Variants in ADGRV1 observed in about 807,000 individuals in gnomAD.
The protein encoded by ADGRV1 is G-protein coupled receptor 98.
ADGRV1 carries 359 observed loss-of-function variants against 596.2 expected under a neutral mutation model. The observed-to-expected ratio is 0.60, with a 90% CI of 0.55 to 0.66. The LOEUF (loss-of-function observed/expected upper bound fraction) is 0.66. Among genes scored for constraint, ADGRV1 ranks in the 30% least tolerant of loss-of-function variants. The pLI is 0.00. For missense variants in ADGRV1, 7,274 were observed against 7,575.6 expected (o/e 0.96, Z 1.48); for synonymous variants, 2,681 against 2,679.2 (o/e 1.00, Z -0.02).
At chr5:90,584,133 G>A (rs1445540181) in intron 1 of ADGRV1, among the ~76,000 whole-genome samples, 1 of 152,128 alleles carries the variant, frequency 6.6e-6, no homozygotes, top group Non-Finnish European at 1.5e-5. Flanking sequence ...TATTTTAGAT[G>A]GTTATTGGGA....
chr5:90,593,374 T>G (rs1387549198), intron 1 of ADGRV1, among the ~76,000 whole-genome samples: 1 of 151,756 alleles, frequency 6.6e-6, no homozygotes, highest in Non-Finnish European at 1.5e-5. Context: ...CACCACATGT[T>G]CTCACTCATA....
intron 1 of ADGRV1, among the ~76,000 whole-genome samples, chr5:90,576,960 GTTGT>G (rs946642661): frequency 3.9e-5 from 6 of 152,140 alleles, no homozygotes; most frequent in Non-Finnish European, 5.9e-5. Flanking sequence ...TTTTGATGGG[GTTGT>G]TTGTTTTTTT....
At chr5:90,917,113 A>G (rs747565466) in intron 83 of ADGRV1, among the ~76,000 whole-genome samples, 46 of 152,164 alleles carry the variant, frequency 3.0e-4, no homozygotes, top group Non-Finnish European at 5.6e-4. Flanking sequence ...TAGTTGCCAC[A>G]TTGCTTTCAT....
chr5:90,816,039 T>C (rs1443262113), intron 75 of ADGRV1, among the ~76,000 whole-genome samples: 3 of 152,232 alleles, frequency 2.0e-5, no homozygotes, highest in Admixed American at 6.5e-5. Flanking sequence ...TTTCCTGTGA[T>C]GAAAACTTGG....
At chr5:91,013,863 A>G (rs1782929317) in intron 85 of ADGRV1, among the ~76,000 whole-genome samples, 1 of 151,930 alleles carries the variant, frequency 6.6e-6, no homozygotes, top group South Asian at 2.1e-4. Flanking sequence ...TTTTTAATTC[A>G]TCTTGAATTG....
At chr5:90,930,321 A>G (rs1775116707) in intron 83 of ADGRV1, among the ~76,000 whole-genome samples, 1 of 152,182 alleles carries the variant, frequency 6.6e-6, no homozygotes, top group African/African-American at 2.4e-5. Context: ...CCTTCCGGCA[A>G]ACTCCAAATA....
In ADGRV1 at chr5:90,669,391, C is replaced by A. The variant is rs561001384; in HGVS notation, c.4753-3155C>A. Among the ~76,000 whole-genome samples the A allele has an allele frequency of 9.2e-5, 14 of 152,104 alleles. No homozygotes were observed. The East Asian group carries it at 2.7e-3, about 29-fold the overall frequency. On this transcript the variant is annotated intron_variant, in intron 21 of 89. Coordinates refer to ENST00000405460, the MANE Select transcript of ADGRV1 (RefSeq NM_032119.4). ...GATTCTTAAAAATCATCACACTATG[C>A]CAGATGCATAATGAGAAACACAGAA...
intron 71 of ADGRV1, among the ~76,000 whole-genome samples, chr5:90,804,435 C>T (rs1414502720): frequency 6.6e-6 from 1 of 151,936 alleles, no homozygotes; most frequent in Non-Finnish European, 1.5e-5. Flanking sequence ...AGAAGCCTCA[C>T]TGTAACAGAG....
intron 87 of ADGRV1, among the ~76,000 whole-genome samples, chr5:91,149,415 C>G (rs1276576023): frequency 6.6e-6 from 1 of 152,186 alleles, no homozygotes; most frequent in African/African-American, 2.4e-5. Flanking sequence ...CATTTCCCCT[C>G]CTTGCACTCA....
At chr5:90,707,931 T>C (rs1445124189) in intron 38 of ADGRV1, among the ~76,000 whole-genome samples, 1 of 151,758 alleles carries the variant, frequency 6.6e-6, no homozygotes, top group Non-Finnish European at 1.5e-5. Context: ...ACATTAAGAG[T>C]AGGCACAGCA....
chr5:90,810,959 G>C lies in ADGRV1; in HGVS notation c.15699G>C (p.Met5233Ile), dbSNP rs1413378465. The change falls in exon 74 of 90, where the codon ATG (methionine) becomes ATC (isoleucine). Residue 5233 changes from methionine to isoleucine, a missense_variant. This residue lies in a region of ADGRV1 where 1,874 missense variants were observed against 1,970.2 expected (regional missense o/e 0.95). Coordinates refer to ENST00000405460, the MANE Select transcript of ADGRV1 (RefSeq NM_032119.4). ...GPSIVYIEEE[M>I]KNGTFNTAEV... ...CCATTGTTTATATTGAAGAGGAGATGAAGAATGGCACATTCAACACTGCAG... is the reference window on the plus strand; with the variant it reads ...CCATTGTTTATATTGAAGAGGAGATCAAGAATGGCACATTCAACACTGCAG... The C allele has an allele frequency of 6.2e-7, 1 of 1,614,014 alleles. No individual in the cohort carries two copies. The highest frequency in any genetic ancestry group is 8.5e-7 in the Non-Finnish European group (1 of 1,179,896).
Position 90,629,057 on chromosome 5 carries a change from G to T in ADGRV1, c.1510-153G>T, listed in dbSNP as rs527551402. ...TAGGAATATTTCCAAATCTGTTTTTGGTTCATCTTTTGCTCTATTATGTAT... is the reference window on the plus strand; with the variant it reads ...TAGGAATATTTCCAAATCTGTTTTTTGTTCATCTTTTGCTCTATTATGTAT... On this transcript the variant is annotated intron_variant, in intron 8 of 89. Transcript: ENST00000405460. 640 of 639,492 alleles carry T rather than the reference G, an allele frequency of 1.0e-3. 4 individuals are homozygous for T. Among genetic ancestry groups the T allele is most frequent in the Non-Finnish European group, 2.0e-4 (82 of 411,062 alleles). The allele number at this position is 639,492 out of a possible 1,614,324, so 39.6% of individuals were successfully genotyped here. A position where few individuals can be genotyped will look rare whatever the true frequency, so the allele number is the denominator to read the frequency against.
intron 83 of ADGRV1, among the ~76,000 whole-genome samples, chr5:90,894,067 T>C (rs1771077215): frequency 6.6e-6 from 1 of 152,206 alleles, no homozygotes; most frequent in African/African-American, 2.4e-5. Context: ...TTAATGGATG[T>C]TCTCATATAT....
At chr5:91,138,971 A>G (rs1291407778) in intron 87 of ADGRV1, among the ~76,000 whole-genome samples, 1 of 152,112 alleles carries the variant, frequency 6.6e-6, no homozygotes, top group Non-Finnish European at 1.5e-5. Flanking sequence ...GGGTTTCACC[A>G]TGTTGGCCAG....
rs1216068741 is a variant in ADGRV1 at position 90,763,439 on chromosome 5, T to G, written c.12255T>G (p.Ser4085Arg). ...ATGAGAAGGCTAAACATAACCTTAG[T>G]CCTTTGAATGGGACCCTTCATTTTG... ...TIDEKAKHNL[S>R]PLNGTLHFDE... is the part of the protein sequence containing the mutation. Residue 4085 changes from serine (S) to arginine (R), a missense_variant, in exon 59 of 90, where the codon AGT becomes AGG. Coordinates refer to ENST00000405460, the MANE Select transcript of ADGRV1 (RefSeq NM_032119.4). 6.2e-7 allele frequency: 1 copy of G among 1,613,550 alleles called. No individual in the cohort carries two copies. The highest frequency in any genetic ancestry group is 1.7e-5 in the Admixed American group (1 of 60,022).
At chr5:90,637,479 T>C (rs1400637189) in intron 10 of ADGRV1, among the ~76,000 whole-genome samples, 2 of 152,180 alleles carry the variant, frequency 1.3e-5, no homozygotes, top group African/African-American at 4.8e-5. Flanking sequence ...TTAGACACAT[T>C]TTTGGGTGAG....
chr5:91,108,293 CTTGT>C (rs1399511202), intron 87 of ADGRV1, among the ~76,000 whole-genome samples: 3 of 152,036 alleles, frequency 2.0e-5, no homozygotes, highest in Admixed American at 2.0e-4. Flanking sequence ...TCCATAAACA[CTTGT>C]TTGTTTTTTT....
intron 77 of ADGRV1, among the ~76,000 whole-genome samples, chr5:90,833,586 G>A (rs866932783): frequency 1.3e-5 from 2 of 152,090 alleles, no homozygotes; most frequent in African/African-American, 4.8e-5. Flanking sequence ...TGCCTAGCCA[G>A]TTTTACAGTT....
chr5:91,045,685 A>G (rs1785741788), intron 85 of ADGRV1, among the ~76,000 whole-genome samples: 1 of 152,148 alleles, frequency 6.6e-6, no homozygotes, highest in Non-Finnish European at 1.5e-5. Flanking sequence ...GCAATCAGAC[A>G]AGAGAAAGAA....
Sources: gnomAD v4.1 joint callset for allele counts (sites outside exome capture counted in the v4.1 genomes callset) on GRCh38, gnomAD v4.1.1 for gene constraint, gnomAD v4.1.1 regional missense constraint, MANE v1.5 for transcripts, NCBI Gene and HGNC (gene_info 2026-07-23, HGNC 2026-07-21) for gene names.